The following C17orf99 variants were observed in gnomAD, a reference collection of about 807,000 sequenced individuals.
C17orf99 encodes the protein chromosome 17 open reading frame 99.
Under a neutral mutation model 22.6 loss-of-function variants are expected in C17orf99, and 18 were observed. The observed-to-expected ratio is 0.80, with a 90% CI of 0.55 to 1.18. The LOEUF is 1.18. Among genes scored for constraint, C17orf99 ranks in the 50% most tolerant of loss-of-function variants. The pLI is 0.00. For synonymous variants in C17orf99, 147 were observed against 136.6 expected (o/e 1.08, Z -0.53); for missense variants, 328 against 342.7 (o/e 0.96, Z 0.34).
chr17:78,152,270 C>T (rs1033853495), intron 2 of C17orf99, among the ~76,000 whole-genome samples: 3 of 151,944 alleles, frequency 2.0e-5, no homozygotes, highest in African/African-American at 7.3e-5. Flanking sequence ...CCTCAACCTC[C>T]TGGGCTCAAA....
Position 78,164,079 on chromosome 17 carries a change from T to C in C17orf99, c.371-16T>C. On this transcript the variant is annotated splice_polypyrimidine_tract_variant and intron_variant, in intron 3 of 4. Transcript: ENST00000340363. ...CCGCTCAGCCATGCCTGTGCTACCT[T>C]CTCCCACCCTGCCAGAGCCAGTGTC... The C allele has an allele frequency of 6.5e-7, 1 of 1,550,376 alleles. No individual in the cohort carries two copies.
intron 4 of C17orf99, chr17:78,165,262 C>T: frequency 1.0e-6 from 1 of 987,448 alleles, no homozygotes; most frequent in Non-Finnish European, 1.2e-6. Flanking sequence ...ACTGCCGTGT[C>T]CTGGTTCTCA....
At position 78,155,374 on chromosome 17, in the gene C17orf99, G is replaced by A. The variant is rs147827522; in HGVS notation, c.71-5581G>A. ...GTTTCCAGAGCAGACATGCCCAGCC[G>A]AGCAAAGGCAATTCATGACGTCGAT... On this transcript the variant is annotated intron_variant, in intron 2 of 4. Transcript: ENST00000340363. Among the ~76,000 whole-genome samples, 751 of 152,166 alleles carry A rather than the reference G, an allele frequency of 4.9e-3. 6 individuals are homozygous for A. Among genetic ancestry groups the A allele is most frequent in the African/African-American group, 0.017 (695 of 41,504 alleles).
chr17:78,161,739 G>A (rs1350740779), intron 3 of C17orf99, among the ~76,000 whole-genome samples: 1 of 151,838 alleles, frequency 6.6e-6, no homozygotes, highest in Admixed American at 6.6e-5. Flanking sequence ...AGCTACTCAG[G>A]AGGCTGAGGC....
In C17orf99 at chr17:78,146,486, C is replaced by T. The variant is rs754018762; in HGVS notation, c.37+42C>T. 18 of 1,540,496 alleles carry T rather than the reference C, an allele frequency of 1.2e-5. No homozygotes were observed. Among genetic ancestry groups the T allele is most frequent in the African/African-American group, 8.2e-5 (6 of 72,786 alleles). The stretch of plus-strand genomic sequence containing the variant: ...CGTGATGGTGGGGCTGCTGCTGGGG[C>T]CTTGAGGTCTTGGGCTCAGGTGGGG... On this transcript the variant is annotated intron_variant, in intron 1 of 4. Transcript: ENST00000340363. This position sits in a 1 kb window ranked among gnomAD's most constrained non-coding sequence, Gnocchi z 5.2.
intron 2 of C17orf99, among the ~76,000 whole-genome samples, chr17:78,147,450 G>C (rs2075445778): frequency 6.6e-6 from 1 of 152,164 alleles, no homozygotes; most frequent in South Asian, 2.1e-4. Flanking sequence ...GAGTGTCTGG[G>C]ACCCAGCTGG....
At chr17:78,151,553 C>A in intron 2 of C17orf99, among the ~76,000 whole-genome samples, 1 of 152,058 alleles carries the variant, frequency 6.6e-6, no homozygotes, top group Non-Finnish European at 1.5e-5. Flanking sequence ...AGGGCTGGGT[C>A]CTCCCAAGGC....
intron 2 of C17orf99, among the ~76,000 whole-genome samples, chr17:78,154,094 T>C (rs1395164514): frequency 1.3e-5 from 2 of 151,620 alleles, no homozygotes; most frequent in African/African-American, 2.4e-5. Context: ...CCGGGCTAAT[T>C]TGTGTATTTT....
chr17:78,157,565 G>A (rs908669416), intron 2 of C17orf99: 11 of 699,936 alleles, frequency 1.6e-5, no homozygotes, highest in African/African-American at 3.7e-5. Flanking sequence ...TTGGAAGACC[G>A]AGGCAGGCGG....
chr17:78,160,881 C>G (rs999571249), intron 2 of C17orf99, 74 bp from the exon 3 acceptor site: 2 of 1,322,646 alleles, frequency 1.5e-6, no homozygotes, highest in African/African-American at 2.9e-5. Context: ...CGAGCCTGGC[C>G]AAACCAGTAC....
intron 3 of C17orf99, among the ~76,000 whole-genome samples, chr17:78,163,108 A>G (rs1457090267): frequency 3.3e-5 from 5 of 152,208 alleles, no homozygotes; most frequent in Admixed American, 2.6e-4. Context: ...TAAAAAATTA[A>G]TCAGGTATGG....
At chr17:78,152,915 C>T (rs1000189467) in intron 2 of C17orf99, among the ~76,000 whole-genome samples, 1 of 151,624 alleles carries the variant, frequency 6.6e-6, no homozygotes, top group Non-Finnish European at 1.5e-5. Context: ...AACCCCATCT[C>T]TATTAAAAAT....
chr17:78,159,426 G>A (rs1695360794), intron 2 of C17orf99, among the ~76,000 whole-genome samples: 1 of 151,986 alleles, frequency 6.6e-6, no homozygotes, highest in South Asian at 2.1e-4. Flanking sequence ...ACCACCTGAG[G>A]TCTCGAGTTC....
chr17:78,154,285 A>G (rs2075508512), intron 2 of C17orf99, among the ~76,000 whole-genome samples: 2 of 151,300 alleles, frequency 1.3e-5, no homozygotes, highest in Admixed American at 1.3e-4. Context: ...GCAGTGGCTC[A>G]TGCCTGTAAT....
intron 2 of C17orf99, among the ~76,000 whole-genome samples, chr17:78,147,249 C>A (rs562303870): frequency 6.6e-6 from 1 of 152,252 alleles, no homozygotes; most frequent in Non-Finnish European, 1.5e-5. Flanking sequence ...GAGCAGAAGC[C>A]CCCCCTGAGA....
At position 78,146,529 on chromosome 17, in the gene C17orf99, G is replaced by A; in HGVS notation, c.37+85G>A. On this transcript the variant is annotated intron_variant, in intron 1 of 4. Transcript: ENST00000340363. The surrounding 1 kb of genome is among the most constrained non-coding windows in gnomAD (Gnocchi z 5.2). The stretch of plus-strand genomic sequence containing the variant: ...AGGTGGGGGTACTGGGAGCACAGGA[G>A]AGATGAGGCCTGAAGGAAGGGCACC... 2 of 1,255,768 alleles carry A rather than the reference G, an allele frequency of 1.6e-6. No individual in the cohort carries two copies. Among genetic ancestry groups the A allele is most frequent in the East Asian group, 2.5e-5 (1 of 39,602 alleles). 77.8% of individuals were successfully genotyped at this position (1,255,768 alleles called of 1,614,324 possible).
In C17orf99 at chr17:78,164,673, G is replaced by C. The variant is rs62079087; in HGVS notation, c.640+309G>C. On this transcript the variant is annotated intron_variant, in intron 4 of 4. Transcript: ENST00000340363. ...GACCACGTGGGCCAGGTAGGAAATG[G>C]GTGCTCGATGCAGGGAGGAGGGAGA... 9,007 of 1,430,554 alleles carry C rather than the reference G, an allele frequency of 6.3e-3. 34 individuals carry two copies. The highest frequency in any genetic ancestry group is 9.9e-3 in the Middle Eastern group (51 of 5,132). 88.6% of individuals were successfully genotyped at this position (1,430,554 alleles called of 1,614,324 possible). A position where few individuals can be genotyped will look rare whatever the true frequency, so the allele number is the denominator to read the frequency against.
intron 2 of C17orf99, among the ~76,000 whole-genome samples, chr17:78,148,783 G>A (rs2075455415): frequency 6.6e-6 from 1 of 152,184 alleles, no homozygotes; most frequent in African/African-American, 2.4e-5. Flanking sequence ...TGGCCGGGGA[G>A]GGCCCTGTGG....
At chr17:78,151,589 C>A (rs1317263477) in intron 2 of C17orf99, among the ~76,000 whole-genome samples, 1 of 152,144 alleles carries the variant, frequency 6.6e-6, no homozygotes, top group African/African-American at 2.4e-5. Context: ...GCTCCTGGCT[C>A]CTGTCCTGGT....
Sources: gnomAD v4.1 joint callset for allele counts (sites outside exome capture counted in the v4.1 genomes callset) on GRCh38, gnomAD v4.1.1 for gene constraint, Gnocchi (gnomAD v3.1) non-coding constraint, MANE v1.5 for transcripts, NCBI Gene and HGNC (gene_info 2026-07-23, HGNC 2026-07-21) for gene names.